EYS: variants seen among roughly 807,000 people sequenced by gnomAD.
EYS encodes the protein protein eyes shut homolog.
A neutral mutation model predicts 282.1 loss-of-function variants in EYS; 250 were observed. The ratio of observed to expected loss-of-function variants is 0.89; its 90% confidence interval spans 0.80 to 0.98. EYS has a LOEUF of 0.98. Ranked by LOEUF, EYS falls within the 50% of genes least tolerant of loss-of-function variation. The probability of loss-of-function intolerance (pLI) is 0.00; values close to 1 mark genes in which losing one functional copy is unlikely to be tolerated. For missense variants in EYS, 4,016 were observed against 3,709.0 expected, an observed-to-expected ratio of 1.08 and a Z score of -2.15; for synonymous variants, 1,355 against 1,282.9, an observed-to-expected ratio of 1.06 and a Z score of -1.20.
At chr6:64,604,899 A>C (rs1766874934) in intron 24 of EYS, among the ~76,000 whole-genome samples, 1 of 152,024 alleles carries the variant, frequency 6.6e-6, no homozygotes, top group Admixed American at 6.6e-5. Context: ...AAAGTTGATG[A>C]GGCAAGAGGT....
intron 29 of EYS, among the ~76,000 whole-genome samples, chr6:64,319,108 T>A (rs145442945): frequency 2.7e-3 from 416 of 152,104 alleles, no homozygotes; most frequent in Non-Finnish European, 4.7e-3. Flanking sequence ...CTTCTGTTTT[T>A]TAATGGTAGT....
intron 12 of EYS, among the ~76,000 whole-genome samples, chr6:65,143,853 C>T (rs1764409635): frequency 6.6e-6 from 1 of 152,068 alleles, no homozygotes; most frequent in South Asian, 2.1e-4. Flanking sequence ...AATCTGCCTA[C>T]AGCAAGTAGT....
chr6:64,588,725 TA>T (rs1766308309), intron 26 of EYS, among the ~76,000 whole-genome samples: 2 of 151,990 alleles, frequency 1.3e-5, no homozygotes, highest in South Asian at 4.1e-4. Flanking sequence ...TCTCCCCAAA[TA>T]CCCAGTTAGA....
chr6:65,451,215 C>T (rs1764385910), intron 5 of EYS, among the ~76,000 whole-genome samples: 1 of 151,848 alleles, frequency 6.6e-6, no homozygotes, highest in Non-Finnish European at 1.5e-5. Context: ...AAGTTGGAGC[C>T]TTTAATTGTG....
At chr6:64,547,422 C>G (rs1336848758) in intron 26 of EYS, among the ~76,000 whole-genome samples, 2 of 152,130 alleles carry the variant, frequency 1.3e-5, no homozygotes, top group African/African-American at 4.8e-5. Context: ...ATCCACCTCC[C>G]CACTAGATTA....
intron 31 of EYS, among the ~76,000 whole-genome samples, chr6:64,124,605 C>CT (rs1363958632): frequency 6.6e-6 from 1 of 152,212 alleles, no homozygotes; most frequent in East Asian, 1.9e-4. Context: ...ATATTCTAGG[C>CT]TCCCCCTAGA....
intron 31 of EYS, among the ~76,000 whole-genome samples, chr6:64,132,486 A>T (rs1774013444): frequency 6.6e-6 from 1 of 151,940 alleles, no homozygotes; most frequent in African/African-American, 2.4e-5. Flanking sequence ...TTCTTGCAAG[A>T]GTTCATGTGT....
chr6:65,245,445 A>G (rs532275651), intron 12 of EYS, among the ~76,000 whole-genome samples: 1 of 152,294 alleles, frequency 6.6e-6, no homozygotes, highest in South Asian at 2.1e-4. Flanking sequence ...ATTCATAATT[A>G]TTAAGTTACA....
intron 41 of EYS, among the ~76,000 whole-genome samples, chr6:63,727,985 T>G (rs1768684259): frequency 6.6e-6 from 1 of 151,364 alleles, no homozygotes; most frequent in Non-Finnish European, 1.5e-5. Flanking sequence ...TAAACCCTCC[T>G]GGTGTTTCTG....
intron 29 of EYS, among the ~76,000 whole-genome samples, chr6:64,314,713 A>G (rs1769868791): frequency 6.6e-6 from 1 of 152,184 alleles, no homozygotes; most frequent in African/African-American, 2.4e-5. Context: ...ACAAATAAAG[A>G]TGTTCTTTGA....
chr6:64,760,497 G>A (rs1415613986), intron 22 of EYS, among the ~76,000 whole-genome samples: 3 of 152,140 alleles, frequency 2.0e-5, no homozygotes, highest in Non-Finnish European at 4.4e-5. Context: ...CAGAAAGAGA[G>A]AGAGTGAGTC....
chr6:65,373,261 G>A (rs934762280), intron 8 of EYS, among the ~76,000 whole-genome samples: 1 of 152,066 alleles, frequency 6.6e-6, no homozygotes, highest in South Asian at 2.1e-4. Flanking sequence ...CCCTGGGCCA[G>A]GTAGGTCACA....
At chr6:64,737,673 G>C (rs1225900104) in intron 22 of EYS, among the ~76,000 whole-genome samples, 1 of 152,180 alleles carries the variant, frequency 6.6e-6, no homozygotes, top group Non-Finnish European at 1.5e-5. Context: ...AGTGAGCAGA[G>C]CTGCTTCCTT....
chr6:65,239,382 A>G (rs1237209133), intron 12 of EYS, among the ~76,000 whole-genome samples: 4 of 152,156 alleles, frequency 2.6e-5, no homozygotes, highest in Non-Finnish European at 5.9e-5. Flanking sequence ...ACAAATTATA[A>G]TCTGGATATT....
At chr6:64,856,820 T>TGG (rs1766078757) in intron 19 of EYS, among the ~76,000 whole-genome samples, 4 of 152,140 alleles carry the variant, frequency 2.6e-5, no homozygotes, top group African/African-American at 9.7e-5. Flanking sequence ...CTAGTTGCTA[T>TGG]ATTTAAAAAC....
chr6:65,688,037 C>T (rs530930157), intron 1 of EYS, among the ~76,000 whole-genome samples: 33 of 152,124 alleles, frequency 2.2e-4, no homozygotes, highest in African/African-American at 5.1e-4. Context: ...AATGCCTCCC[C>T]ATCAATCTAC....
intron 22 of EYS, among the ~76,000 whole-genome samples, chr6:64,802,071 T>C (rs1764257782): frequency 7.0e-6 from 1 of 143,472 alleles, no homozygotes; most frequent in Non-Finnish European, 1.5e-5. Flanking sequence ...TCTCACTCTG[T>C]CGCCCAGCCT....
intron 14 of EYS, among the ~76,000 whole-genome samples, chr6:64,962,689 A>C (rs906167023): frequency 6.6e-6 from 1 of 152,108 alleles, no homozygotes; most frequent in Admixed American, 6.6e-5. Context: ...TTGAGGCTGC[A>C]ATGAGCTGTG....
rs770748722 is a variant in EYS, at chr6:65,494,810, G to A, written c.601C>T (p.His201Tyr). 3 of 1,613,900 alleles carry A rather than the reference G, an allele frequency of 1.9e-6. No homozygotes were observed. In the African/African-American group the frequency reaches 4.0e-5, roughly 22 times the overall value. ...SEAWSKTYSC[H>Y]CQPPFSGKYC... ...TTTCCAGAAAATGGAGGCTGGCAAT[G>A]GCAGCTATATGTCTTGCTCCAAGCT... Residue 201 changes from histidine to tyrosine, a missense_variant, in exon 4 of 43, where the codon CAT (histidine) becomes TAT (tyrosine). Coordinates refer to ENST00000503581, the MANE Select transcript of EYS (RefSeq NM_001142800.2).
Sources: allele counts gnomAD v4.1 joint callset (sites outside exome capture counted in the v4.1 genomes callset), GRCh38; gene constraint gnomAD v4.1.1; transcripts MANE v1.5; gene names NCBI Gene and HGNC (gene_info 2026-07-23, HGNC 2026-07-21).